The following DLG2 variants were observed in gnomAD, a reference collection of about 807,000 sequenced individuals.
DLG2 encodes disks large homolog 2.
Under a neutral mutation model 132.5 loss-of-function variants are expected in DLG2, and 45 were observed. The ratio of observed to expected loss-of-function variants is 0.34; its 90% CI spans 0.27 to 0.44. The LOEUF (loss-of-function observed/expected upper bound fraction) is 0.44. Among genes scored for constraint, DLG2 ranks in the 20% least tolerant of loss-of-function variants. The pLI, the probability that DLG2 is intolerant of heterozygous loss-of-function variation, is 1.00. For synonymous variants in DLG2, 424 were observed against 419.6 expected, an observed-to-expected ratio of 1.01 and a Z score of -0.13; for missense variants, 1,045 against 1,196.9, an observed-to-expected ratio of 0.87 and a Z score of 1.87.
chr11:83,842,359 G>A (rs997991433), intron 16 of DLG2, among the ~76,000 whole-genome samples: 3 of 152,110 alleles, frequency 2.0e-5, no homozygotes, highest in African/African-American at 7.2e-5. Flanking sequence ...ACTCTGGGAG[G>A]CCAAGGCGGG....
intron 6 of DLG2, among the ~76,000 whole-genome samples, chr11:84,742,266 G>C (rs2064781358): frequency 6.6e-6 from 1 of 152,114 alleles, no homozygotes; most frequent in Non-Finnish European, 1.5e-5. Flanking sequence ...AGACTTGGAA[G>C]AGTCATAGAC....
chr11:85,051,284 G>T (rs1237330956), intron 6 of DLG2, among the ~76,000 whole-genome samples: 1 of 151,982 alleles, frequency 6.6e-6, no homozygotes, highest in South Asian at 2.1e-4. Context: ...GTAAAAGCAG[G>T]CATGTTTATT....
chr11:85,626,777 G>A (rs530405956), intron 1 of DLG2, 24 bp from the exon 2 acceptor site: 18 of 152,288 alleles, frequency 1.2e-4, no homozygotes, highest in African/African-American at 4.3e-4. Context: ...AGAAAATAAT[G>A]ATGTATTTTT....
intron 5 of DLG2, among the ~76,000 whole-genome samples, chr11:85,153,549 A>T (rs1380381847): frequency 6.6e-6 from 1 of 152,170 alleles, no homozygotes; most frequent in East Asian, 1.9e-4. Flanking sequence ...TATGCTTTGC[A>T]TATTAGGTTT....
chr11:84,010,669 T>C (rs1395544743), intron 11 of DLG2, among the ~76,000 whole-genome samples: 2 of 152,114 alleles, frequency 1.3e-5, no homozygotes, highest in African/African-American at 4.8e-5. Flanking sequence ...TTCTCAAATA[T>C]TGTACCAACT....
intron 17 of DLG2, among the ~76,000 whole-genome samples, chr11:83,820,217 T>A (rs1357380565): frequency 1.3e-5 from 2 of 152,142 alleles, no homozygotes; most frequent in Admixed American, 1.3e-4. Flanking sequence ...AATAGGTTCA[T>A]AGGCCAGTTT....
At chr11:85,616,704 T>C (rs1288678566) in intron 2 of DLG2, among the ~76,000 whole-genome samples, 1 of 151,858 alleles carries the variant, frequency 6.6e-6, no homozygotes, top group East Asian at 1.9e-4. Flanking sequence ...TAGAAAAAAA[T>C]TTTCCCAGCT....
At chr11:84,062,202 G>A (rs528790470) in intron 10 of DLG2, among the ~76,000 whole-genome samples, 5 of 152,170 alleles carry the variant, frequency 3.3e-5, no homozygotes, top group Non-Finnish European at 7.3e-5. Context: ...CTGAATATGT[G>A]GATCAAGTAG....
chr11:84,263,741 G>C (rs1515092), intron 7 of DLG2, among the ~76,000 whole-genome samples: 1 of 151,920 alleles, frequency 6.6e-6, no homozygotes, highest in Non-Finnish European at 1.5e-5. Context: ...TAACAGGTGA[G>C]GCTATACAGA....
At chr11:83,492,103 A>T (rs2093885754) in intron 21 of DLG2, among the ~76,000 whole-genome samples, 1 of 151,924 alleles carries the variant, frequency 6.6e-6, no homozygotes, top group Non-Finnish European at 1.5e-5. Flanking sequence ...TAAAATATTT[A>T]CTCTCTGGCC....
intron 19 of DLG2, among the ~76,000 whole-genome samples, chr11:83,627,200 A>G (rs937127081): frequency 3.0e-4 from 45 of 151,546 alleles, no homozygotes; most frequent in Non-Finnish European, 4.4e-4. Flanking sequence ...TTTTTTATTT[A>G]TTTATTTTAT....
intron 3 of DLG2, among the ~76,000 whole-genome samples, chr11:85,563,789 A>G (rs1222694611): frequency 6.6e-6 from 1 of 152,116 alleles, no homozygotes; most frequent in African/African-American, 2.4e-5. Flanking sequence ...TTCTTATACA[A>G]TGCTTTGTGT....
intron 3 of DLG2, among the ~76,000 whole-genome samples, chr11:85,397,664 G>A (rs1200920123): frequency 6.6e-6 from 1 of 152,028 alleles, no homozygotes; most frequent in African/African-American, 2.4e-5. Context: ...AACCAACAAA[G>A]ATCAAAAGAG....
At chr11:83,505,225 G>C (rs1002976891) in intron 21 of DLG2, among the ~76,000 whole-genome samples, 1 of 152,216 alleles carries the variant, frequency 6.6e-6, no homozygotes, top group African/African-American at 2.4e-5. Context: ...CCACCAGGTA[G>C]CTGGCTGATC....
chr11:83,804,126 G>C (rs531197012), intron 17 of DLG2, among the ~76,000 whole-genome samples: 1 of 152,168 alleles, frequency 6.6e-6, no homozygotes, highest in South Asian at 2.1e-4. Context: ...GGCAAACTGT[G>C]TCAAGAACTC....
chr11:84,856,272 G>C (rs1248187340), intron 6 of DLG2, among the ~76,000 whole-genome samples: 4 of 152,076 alleles, frequency 2.6e-5, no homozygotes, highest in Non-Finnish European at 5.9e-5. Context: ...ATGATAAGGA[G>C]ACTGAGGGCT....
At chr11:84,654,316 G>C (rs2099685592) in intron 6 of DLG2, among the ~76,000 whole-genome samples, 1 of 152,136 alleles carries the variant, frequency 6.6e-6, no homozygotes, top group East Asian at 1.9e-4. Flanking sequence ...GAGGGCAGGG[G>C]CTATGGATAA....
At chr11:83,936,457 C>T (rs1256242093) in intron 14 of DLG2, among the ~76,000 whole-genome samples, 3 of 152,164 alleles carry the variant, frequency 2.0e-5, no homozygotes, top group African/African-American at 7.2e-5. Flanking sequence ...TGTGGTATCA[C>T]ATCAGATTGT....
intron 6 of DLG2, among the ~76,000 whole-genome samples, chr11:84,560,873 T>C (rs2099427145): frequency 6.6e-6 from 1 of 152,100 alleles, no homozygotes; most frequent in African/African-American, 2.4e-5. Flanking sequence ...TTTTACAATG[T>C]GACTTGATAC....
Sources: gnomAD v4.1 joint callset for allele counts (sites outside exome capture counted in the v4.1 genomes callset) on GRCh38, gnomAD v4.1.1 for gene constraint, MANE v1.5 for transcripts, NCBI Gene and HGNC (gene_info 2026-07-23, HGNC 2026-07-21) for gene names.